MTAP: variants seen among roughly 807,000 people sequenced by gnomAD.
The protein encoded by MTAP is methylthioadenosine phosphorylase.
Under a neutral mutation model 33.6 loss-of-function variants are expected in MTAP, and 33 were observed. The ratio of observed to expected loss-of-function variants is 0.98; its 90% CI spans 0.74 to 1.31. MTAP has a LOEUF of 1.31. Among genes scored for constraint, MTAP ranks in the 40% most tolerant of loss-of-function variants. The pLI is 0.00. For synonymous variants in MTAP, 148 were observed against 125.7 expected (o/e 1.18, Z -1.19); for missense variants, 367 against 360.0 (o/e 1.02, Z -0.16).
chr9:21,928,787 C>A (rs951880053), intron 1 of MTAP, among the ~76,000 whole-genome samples: 1 of 151,904 alleles, frequency 6.6e-6, no homozygotes, highest in Non-Finnish European at 1.5e-5. Context: ...TTACCTTTAA[C>A]CCTCCTTCAA....
Position 21,864,716 on chromosome 9 carries a change from C to T in MTAP, c.*2702C>T. The T allele has an allele frequency of 2.0e-6, 2 of 985,368 alleles. No individual in the cohort carries two copies. Among genetic ancestry groups the T allele is most frequent in the Non-Finnish European group, 1.2e-6 (1 of 829,960 alleles). The allele number at this position is 985,368 out of a possible 1,614,324, so 61.0% of individuals were successfully genotyped here. A position where few individuals can be genotyped will look rare whatever the true frequency, so the allele number is the denominator to read the frequency against. ...AAGGAAACTCTGGTACGGTGGCACCCTCAGGAGTGGAGGACAGTGAACTTC... is the reference window on the plus strand; with the variant it reads ...AAGGAAACTCTGGTACGGTGGCACCTTCAGGAGTGGAGGACAGTGAACTTC... On this transcript the variant is annotated 3_prime_UTR_variant, in exon 8 of 8. Coordinates refer to ENST00000644715, the MANE Select transcript of MTAP (RefSeq NM_002451.4).
downstream of MTAP, chr9:21,940,918 C>A (rs1372984624): frequency 4.0e-6 from 3 of 756,054 alleles, no homozygotes; most frequent in African/African-American, 5.7e-5. Flanking sequence ...CCCCCAACCC[C>A]CAGAAGTGGA....
rs982966042 is a variant in MTAP at position 21,922,506 on chromosome 9, C to A, written c.148-8502C>A. Among the ~76,000 whole-genome samples the A allele has an allele frequency of 6.6e-6, 1 of 152,102 alleles. No homozygotes were observed. The highest frequency in any genetic ancestry group is 6.5e-5 in the Admixed American group (1 of 15,268). Reference sequence around the variant, plus strand: ...AAAACTTGCCTTGGTCTCTCACTCTCGCTTATGCCCCTCAGACAAATTCTT... The same window carrying A: ...AAAACTTGCCTTGGTCTCTCACTCTAGCTTATGCCCCTCAGACAAATTCTT... On this transcript the variant is annotated intron_variant, in intron 1 of 1. Transcript: ENST00000577563. This position sits in a 1 kb window ranked among gnomAD's most constrained non-coding sequence, Gnocchi z 4.8.
chr9:21,869,200 T>G (rs937398658), downstream of MTAP, among the ~76,000 whole-genome samples: 7 of 152,174 alleles, frequency 4.6e-5, no homozygotes, highest in South Asian at 1.5e-3. Flanking sequence ...CTCGAGTTAT[T>G]GTTTCTCCTG....
intron 6 of MTAP, chr9:21,856,244 G>C: frequency 5.6e-6 from 5 of 891,392 alleles, no homozygotes; most frequent in Non-Finnish European, 6.7e-6. Flanking sequence ...TCTCCAAAGA[G>C]GCCTAATATT....
At chr9:21,903,524 C>G (rs1818424411) in intron 1 of MTAP, among the ~76,000 whole-genome samples, 1 of 151,968 alleles carries the variant, frequency 6.6e-6, no homozygotes, top group Admixed American at 6.6e-5. Flanking sequence ...ATCATTAAAA[C>G]CACTTCTCTG....
chr9:21,834,486 TGAAA>T (rs1825052945), intron 4 of MTAP, among the ~76,000 whole-genome samples: 1 of 152,236 alleles, frequency 6.6e-6, no homozygotes, highest in Non-Finnish European at 1.5e-5. Context: ...TGGGTCTCAC[TGAAA>T]CTAGAAAAAT....
intron 1 of MTAP, among the ~76,000 whole-genome samples, chr9:21,876,573 A>G (rs1826011972): frequency 6.6e-6 from 1 of 152,298 alleles, no homozygotes; most frequent in Non-Finnish European, 1.5e-5. Context: ...GTCCAGCTTC[A>G]ATCCTATGCA....
chr9:21,905,626 C>T (rs10122573), intron 1 of MTAP, among the ~76,000 whole-genome samples: 3,350 of 146,570 alleles, frequency 0.023, 132 homozygotes, highest in African/African-American at 0.081. Context: ...GGTGAGAGTT[C>T]AGGAAAGTGA....
At chr9:21,839,190 A>ATTTTT (rs1349545888) in intron 5 of MTAP, among the ~76,000 whole-genome samples, 340 of 107,942 alleles carry the variant, frequency 3.1e-3, no homozygotes, top group Middle Eastern at 4.5e-3. Flanking sequence ...TTTTTTTTTA[A>ATTTTT]AAAAGTGGCA....
intron 1 of MTAP, among the ~76,000 whole-genome samples, chr9:21,926,758 A>T (rs1339309503): frequency 1.3e-5 from 2 of 152,188 alleles, no homozygotes; most frequent in Non-Finnish European, 1.5e-5. Context: ...TGAATCCTGC[A>T]TCTAGTCCAG....
intron 1 of MTAP, among the ~76,000 whole-genome samples, chr9:21,928,347 C>T (rs1205898616): frequency 6.6e-6 from 1 of 152,170 alleles, no homozygotes; most frequent in African/African-American, 2.4e-5. Flanking sequence ...CAAATAATCC[C>T]TAGATGGGGA....
intron 5 of MTAP, among the ~76,000 whole-genome samples, chr9:21,843,481 C>G (rs1026468641): frequency 6.6e-6 from 1 of 152,068 alleles, no homozygotes; most frequent in South Asian, 2.1e-4. Context: ...GGAACATTCT[C>G]CAAAATAGAA....
chr9:21,822,042 A>G (rs998299131), intron 4 of MTAP, among the ~76,000 whole-genome samples: 1 of 151,958 alleles, frequency 6.6e-6, no homozygotes, highest in African/African-American at 2.4e-5. Context: ...TAGTCTTGCT[A>G]GTGGTCTATC....
intron 1 of MTAP, among the ~76,000 whole-genome samples, chr9:21,928,945 G>C (rs1049811150): frequency 2.6e-5 from 4 of 151,460 alleles, no homozygotes; most frequent in Admixed American, 6.6e-5. Flanking sequence ...GCTTCCAACA[G>C]ACTCTCTGGG....
intron 1 of MTAP, among the ~76,000 whole-genome samples, chr9:21,889,852 C>T (rs1250934511): frequency 2.0e-5 from 3 of 152,156 alleles, no homozygotes; most frequent in Non-Finnish European, 4.4e-5. Context: ...GTTTAGTGCA[C>T]TGGTTTTCTC....
intron 1 of MTAP, among the ~76,000 whole-genome samples, chr9:21,896,564 G>A (rs1031442405): frequency 6.6e-6 from 1 of 152,028 alleles, no homozygotes; most frequent in Non-Finnish European, 1.5e-5. Flanking sequence ...TATCACCATC[G>A]ATCCCACAGA....
At chr9:21,886,205 T>A (rs994096158) in intron 1 of MTAP, among the ~76,000 whole-genome samples, 2 of 152,014 alleles carry the variant, frequency 1.3e-5, no homozygotes, top group African/African-American at 4.8e-5. Context: ...CCCTGATAAT[T>A]AACAATATTG....
At chr9:21,810,385 A>G (rs1419847957) in intron 1 of MTAP, among the ~76,000 whole-genome samples, 2 of 152,062 alleles carry the variant, frequency 1.3e-5, no homozygotes, top group East Asian at 3.9e-4. Flanking sequence ...AGGTTTATTT[A>G]AAAGAAATGA....
Sources: allele counts gnomAD v4.1 joint callset (sites outside exome capture counted in the v4.1 genomes callset), GRCh38; gene constraint gnomAD v4.1.1; non-coding constraint Gnocchi (gnomAD v3.1); transcripts MANE v1.5; gene names NCBI Gene and HGNC (gene_info 2026-07-23, HGNC 2026-07-21).